Variants in TXLNB observed in about 807,000 individuals in gnomAD.
The protein encoded by TXLNB is beta-taxilin.
TXLNB carries 37 observed loss-of-function variants against 57.4 expected under a neutral mutation model. The observed-to-expected ratio is 0.64, with a 90% CI of 0.50 to 0.85. The LOEUF (loss-of-function observed/expected upper bound fraction) is 0.85. Ranked by LOEUF, TXLNB falls within the 40% of genes least tolerant of loss-of-function variation. TXLNB has a pLI of 0.00. For synonymous variants in TXLNB, 302 were observed against 309.6 expected (o/e 0.98, Z 0.26); for missense variants, 848 against 825.6 (o/e 1.03, Z -0.33).
At chr6:139,228,742 G>C in the TXLNB span, among the ~76,000 whole-genome samples, 1 of 152,092 alleles carries the variant, frequency 6.6e-6, no homozygotes, top group Non-Finnish European at 1.5e-5. Flanking sequence ...CTTGGTACAC[G>C]TGGGCGAGCA....
chr6:139,159,486 C>T, the TXLNB span, among the ~76,000 whole-genome samples: 1 of 152,012 alleles, frequency 6.6e-6, no homozygotes, highest in African/African-American at 2.4e-5. Flanking sequence ...TACCTGGGTG[C>T]CACAAGGAGG....
Position 139,260,467 on chromosome 6 carries a change from T to A in TXLNB, c.883-30A>T, listed in dbSNP as rs1460130708. The A allele has an allele frequency of 1.9e-6, 3 of 1,606,900 alleles. No homozygotes were observed. The African/African-American group carries it at 4.0e-5, about 22-fold the overall frequency. ...GAAAAATAAAGTGTACATAGAAAGC[T>A]TGGTTTATTATTGGTGCTTAAAAAT... On this transcript the variant is annotated intron_variant, in intron 5 of 9. Transcript: ENST00000358430.
chr6:139,214,092 A>G, the TXLNB span, among the ~76,000 whole-genome samples: 1 of 152,200 alleles, frequency 6.6e-6, no homozygotes, highest in Non-Finnish European at 1.5e-5. Flanking sequence ...TATTCCAATC[A>G]ATAGAAAAAG....
At chr6:139,224,722 C>T in the TXLNB span, among the ~76,000 whole-genome samples, 1 of 151,380 alleles carries the variant, frequency 6.6e-6, no homozygotes, top group South Asian at 2.1e-4. Flanking sequence ...AAAATTAAAT[C>T]CACAATTTAA....
chr6:139,161,295 C>T, the TXLNB span, among the ~76,000 whole-genome samples: 1 of 152,170 alleles, frequency 6.6e-6, no homozygotes, highest in African/African-American at 2.4e-5. Context: ...TTAACATGCT[C>T]TTGGCTTTGT....
intron 8 of TXLNB, among the ~76,000 whole-genome samples, chr6:139,246,766 T>G (rs778390404): frequency 2.6e-5 from 4 of 151,760 alleles, no homozygotes; most frequent in Non-Finnish European, 4.4e-5. Context: ...AATATAAAAT[T>G]AACCGGACAT....
the TXLNB span, among the ~76,000 whole-genome samples, chr6:139,212,269 C>T: frequency 6.6e-6 from 1 of 152,210 alleles, no homozygotes; most frequent in South Asian, 2.1e-4. Flanking sequence ...ATCAGACTAA[C>T]AGCTGATCTC....
chr6:139,193,139 T>G, the TXLNB span, among the ~76,000 whole-genome samples: 30 of 151,872 alleles, frequency 2.0e-4, no homozygotes, highest in Admixed American at 2.0e-4. Flanking sequence ...CAGGTTTTCC[T>G]CCTAACTTAC....
the TXLNB span, among the ~76,000 whole-genome samples, chr6:139,228,823 C>T: frequency 4.4e-3 from 665 of 152,282 alleles, 4 homozygotes; most frequent in African/African-American, 0.015. Context: ...TGTGAAAGTG[C>T]AACTTCATGA....
the TXLNB span, chr6:139,177,096 A>C: frequency 1.2e-6 from 1 of 851,674 alleles, no homozygotes; most frequent in Non-Finnish European, 2.1e-6. The surrounding 1 kb of genome is among the most constrained non-coding windows in gnomAD (Gnocchi z 4.9). Flanking sequence ...AAGTTCTCGA[A>C]GCTTATTGAT....
At chr6:139,272,275 C>T (rs935600588) in intron 3 of TXLNB, among the ~76,000 whole-genome samples, 2 of 151,926 alleles carry the variant, frequency 1.3e-5, no homozygotes, top group Non-Finnish European at 2.9e-5. Flanking sequence ...CCACTGCGCT[C>T]CAGCCTGGGC....
the TXLNB span, among the ~76,000 whole-genome samples, chr6:139,319,130 G>T: frequency 6.6e-6 from 1 of 151,878 alleles, no homozygotes; most frequent in African/African-American, 2.4e-5. Context: ...TTTCAGTAGA[G>T]ACGGGGTTTT....
chr6:139,173,890 C>T, the TXLNB span, among the ~76,000 whole-genome samples: 6 of 152,250 alleles, frequency 3.9e-5, no homozygotes, highest in African/African-American at 1.4e-4. Context: ...GGATAGTTAA[C>T]AGTAATTTTG....
At chr6:139,194,539 T>G in the TXLNB span, among the ~76,000 whole-genome samples, 1 of 152,182 alleles carries the variant, frequency 6.6e-6, no homozygotes, top group Admixed American at 6.5e-5. Flanking sequence ...ATACCCAAAG[T>G]TTTAGAAAAT....
the TXLNB span, among the ~76,000 whole-genome samples, chr6:139,194,043 G>C: frequency 1.1e-3 from 167 of 151,150 alleles, no homozygotes; most frequent in African/African-American, 4.0e-3. Context: ...GGGTTTCACC[G>C]TGTTAGCCAG....
At chr6:139,257,134 T>C (rs1180995913) in intron 6 of TXLNB, among the ~76,000 whole-genome samples, 1 of 152,232 alleles carries the variant, frequency 6.6e-6, no homozygotes, top group African/African-American at 2.4e-5. Flanking sequence ...GTTTGGTTTT[T>C]ATTATTATTT....
chr6:139,245,873 C>A (rs1213832457), intron 8 of TXLNB, among the ~76,000 whole-genome samples: 2 of 151,918 alleles, frequency 1.3e-5, no homozygotes, highest in Non-Finnish European at 2.9e-5. Flanking sequence ...TTTTGTATTT[C>A]AGTAGAAACA....
intron 5 of TXLNB, 139 bp from the exon 6 acceptor site, chr6:139,260,576 TTACAGCTTTATAATAAAGCTGTAA>T (rs1776455560): frequency 1.1e-6 from 1 of 914,986 alleles, no homozygotes; most frequent in Admixed American, 2.9e-5. Flanking sequence ...TTGGCATCAC[TTACAGCTTTATAATAAAGCTGTAA>T]ATTGGTGAAC....
intron 4 of TXLNB, among the ~76,000 whole-genome samples, chr6:139,267,661 A>G (rs1241103609): frequency 6.6e-6 from 1 of 152,230 alleles, no homozygotes; most frequent in Non-Finnish European, 1.5e-5. Context: ...TTAATGGACT[A>G]GTACTGCAAT....
Sources: allele counts gnomAD v4.1 joint callset (sites outside exome capture counted in the v4.1 genomes callset), GRCh38; gene constraint gnomAD v4.1.1; non-coding constraint Gnocchi (gnomAD v3.1); transcripts MANE v1.5; gene names NCBI Gene and HGNC (gene_info 2026-07-23, HGNC 2026-07-21).